The following ARHGAP42 variants were observed in gnomAD, a reference collection of about 807,000 sequenced individuals.
ARHGAP42 encodes the protein rho GTPase-activating protein 42.
In ARHGAP42, 63 loss-of-function variants were observed where a neutral mutation model predicts 125.0. The observed-to-expected ratio is 0.50, with a 90% confidence interval of 0.41 to 0.62. The LOEUF (loss-of-function observed/expected upper bound fraction) is 0.62. ARHGAP42 is among the 20% of genes least tolerant of loss of function. ARHGAP42 has a pLI of 0.00. For synonymous variants in ARHGAP42, 339 were observed against 351.0 expected, an observed-to-expected ratio of 0.97 and a Z score of 0.38; for missense variants, 766 against 1,024.2, an observed-to-expected ratio of 0.75 and a Z score of 3.44.
intron 12 of ARHGAP42, among the ~76,000 whole-genome samples, chr11:100,953,314 CT>C (rs1219487321): frequency 6.6e-6 from 1 of 152,158 alleles, no homozygotes; most frequent in Non-Finnish European, 1.5e-5. Context: ...CTAAAATACT[CT>C]TGTTGTCCTT....
At chr11:100,785,031 T>C (rs993694810) in intron 2 of ARHGAP42, among the ~76,000 whole-genome samples, 2 of 152,114 alleles carry the variant, frequency 1.3e-5, no homozygotes, top group Non-Finnish European at 2.9e-5. Flanking sequence ...TCCTTGGACC[T>C]CATTAGGATA....
At position 100,948,456 on chromosome 11, in the gene ARHGAP42, G is replaced by A. The variant is rs1442676968; in HGVS notation, c.1044-1G>A. 2 of 1,543,646 alleles carry A rather than the reference G, an allele frequency of 1.3e-6. No homozygotes were observed. ...TATAGAAAATATTTGTTTTTAAATA[G>A]GCATGGGATCATCACGTTACAGGCC... On this transcript the variant is annotated splice_acceptor_variant, in intron 10 of 23. Coordinates refer to ENST00000298815, the MANE Select transcript of ARHGAP42 (RefSeq NM_152432.4). LOFTEE classifies it high-confidence loss of function.
chr11:100,799,112 T>A (rs1410126023), intron 3 of ARHGAP42, among the ~76,000 whole-genome samples: 1 of 152,230 alleles, frequency 6.6e-6, no homozygotes, highest in Non-Finnish European at 1.5e-5. Flanking sequence ...TTGTGTTTGT[T>A]ATAGGCAATG....
chr11:100,977,586 G>GCCAGGTTTAT (rs1376638425), intron 21 of ARHGAP42, among the ~76,000 whole-genome samples: 2 of 152,034 alleles, frequency 1.3e-5, no homozygotes, highest in East Asian at 3.9e-4. Flanking sequence ...AAACAAGTAA[G>GCCAGGTTTAT]CAAAAAAGAG....
At chr11:100,830,981 T>C (rs1280816074) in intron 3 of ARHGAP42, among the ~76,000 whole-genome samples, 8 of 152,084 alleles carry the variant, frequency 5.3e-5, no homozygotes. Context: ...TGGGAAGGGG[T>C]CAAAGTTGAA....
At chr11:100,813,501 G>A (rs531348555) in intron 3 of ARHGAP42, among the ~76,000 whole-genome samples, 38 of 152,296 alleles carry the variant, frequency 2.5e-4, no homozygotes, top group African/African-American at 9.1e-4. Context: ...TGGAAACCAG[G>A]GGAGAGATCA....
chr11:100,882,542 G>T (rs1865986775), intron 4 of ARHGAP42, among the ~76,000 whole-genome samples: 1 of 151,550 alleles, frequency 6.6e-6, no homozygotes, highest in Non-Finnish European at 1.5e-5. Context: ...ATTCTTCAGG[G>T]ATATTGGTCT....
At chr11:100,782,195 C>CA (rs1227103524) in intron 2 of ARHGAP42, among the ~76,000 whole-genome samples, 1 of 152,028 alleles carries the variant, frequency 6.6e-6, no homozygotes, top group East Asian at 1.9e-4. Context: ...TGCAGGTTCT[C>CA]AAAAAACACT....
intron 5 of ARHGAP42, 23 bp downstream of exon 5, chr11:100,913,576 A>C: frequency 8.3e-7 from 1 of 1,210,698 alleles, no homozygotes; most frequent in South Asian, 1.4e-5. Flanking sequence ...AACTGAAATA[A>C]TGGAAAAGGC....
chr11:100,908,892 C>G (rs536671524), intron 4 of ARHGAP42, among the ~76,000 whole-genome samples: 1 of 152,124 alleles, frequency 6.6e-6, no homozygotes, highest in African/African-American at 2.4e-5. Context: ...TCTGCAGTCT[C>G]GCCAGCATCT....
intron 4 of ARHGAP42, among the ~76,000 whole-genome samples, chr11:100,874,332 G>A (rs1291823566): frequency 6.6e-6 from 1 of 152,158 alleles, no homozygotes; most frequent in African/African-American, 2.4e-5. Flanking sequence ...TGATTCCCAG[G>A]ACTGCTACAC....
chr11:100,923,727 T>A (rs1393305127), intron 6 of ARHGAP42, among the ~76,000 whole-genome samples: 1 of 152,130 alleles, frequency 6.6e-6, no homozygotes, highest in Non-Finnish European at 1.5e-5. Context: ...GCCTTTCTTA[T>A]GACACCACAG....
intron 3 of ARHGAP42, among the ~76,000 whole-genome samples, chr11:100,857,887 C>T (rs1282732481): frequency 6.6e-6 from 1 of 152,092 alleles, no homozygotes; most frequent in Middle Eastern, 3.2e-3. Context: ...ATTTAGCTGG[C>T]TTTAAATACA....
At chr11:100,701,071 T>G (rs1256369251) in intron 1 of ARHGAP42, among the ~76,000 whole-genome samples, 13 of 152,182 alleles carry the variant, frequency 8.5e-5, no homozygotes, top group Non-Finnish European at 1.8e-4. Context: ...ATATTAATCT[T>G]TTTATACATC....
chr11:100,707,547 C>T (rs939168845), intron 1 of ARHGAP42, among the ~76,000 whole-genome samples: 2 of 151,764 alleles, frequency 1.3e-5, no homozygotes, highest in Non-Finnish European at 2.9e-5. Context: ...TCAGTAAATG[C>T]GAGACAAAAG....
At chr11:100,714,610 T>C (rs1378345347) in intron 1 of ARHGAP42, among the ~76,000 whole-genome samples, 1 of 152,208 alleles carries the variant, frequency 6.6e-6, no homozygotes, top group African/African-American at 2.4e-5. Context: ...TTTTAGTTCT[T>C]GGACCTGATG....
intron 1 of ARHGAP42, among the ~76,000 whole-genome samples, chr11:100,760,573 C>G (rs1359879936): frequency 6.6e-6 from 1 of 151,876 alleles, no homozygotes; most frequent in African/African-American, 2.4e-5. Flanking sequence ...TGGTGGCGGG[C>G]TCCTGTAATC....
intron 17 of ARHGAP42, among the ~76,000 whole-genome samples, chr11:100,969,185 C>T (rs1010704909): frequency 4.6e-5 from 7 of 151,974 alleles, no homozygotes; most frequent in African/African-American, 1.7e-4. Context: ...ATATGCCATC[C>T]CTCTGCCTTC....
rs1321476983 is a variant in ARHGAP42 at position 100,687,344 on chromosome 11, C to T, written c.-335C>T. ...AGTGGAACTGCCGGAAGTGTCTGCG[C>T]GCCGTGAGAGAAACTTTCCTGCTCC... On this transcript the variant is annotated 5_prime_UTR_variant, in exon 1 of 24. Transcript: ENST00000298815. Among the ~76,000 whole-genome samples, 1 of 152,056 alleles carries T rather than the reference C, an allele frequency of 6.6e-6. No individual in the cohort carries two copies. Among genetic ancestry groups the T allele is most frequent in the Non-Finnish European group, 1.5e-5 (1 of 67,982 alleles).
Sources: gnomAD v4.1 joint callset for allele counts (sites outside exome capture counted in the v4.1 genomes callset) on GRCh38, gnomAD v4.1.1 for gene constraint, MANE v1.5 for transcripts, NCBI Gene and HGNC (gene_info 2026-07-23, HGNC 2026-07-21) for gene names.